CATSPER1: variants seen among roughly 807,000 people sequenced by gnomAD.
CATSPER1 encodes the protein cation channel sperm-associated protein 1.
A neutral mutation model predicts 72.7 loss-of-function variants in CATSPER1; 57 were observed. That is an observed-to-expected ratio of 0.78 (90% CI 0.63 to 0.98). CATSPER1 has a LOEUF of 0.98. CATSPER1 is among the 50% of genes least tolerant of loss of function. CATSPER1 has a pLI of 0.00. For synonymous variants in CATSPER1, 363 were observed against 403.0 expected (o/e 0.90, Z 1.19); for missense variants, 910 against 1,033.9 (o/e 0.88, Z 1.64).
chr11:66,022,095 A>T (rs1856385964), intron 2 of CATSPER1, among the ~76,000 whole-genome samples: 1 of 152,102 alleles, frequency 6.6e-6, no homozygotes, highest in Non-Finnish European at 1.5e-5. Context: ...ATCCCAGCAC[A>T]TTGGGAGGTT....
chr11:66,025,810 G>A lies in CATSPER1; in HGVS notation c.570C>T (p.Ser190=). 6.2e-7 allele frequency: 1 copy of A among 1,612,396 alleles called. No individual in the cohort carries two copies. The change falls in exon 1 of 12, where the codon TCC becomes TCT. Residue 190 remains serine (S), a synonymous_variant. Transcript: ENST00000312106. The part of the protein sequence containing the change: ...LPHGPNPYSE[S]FHHSEASHLS... ...GGTGGGAAGCCTCGCTGTGGTGGAA[G>A]GACTCACTGTAGGGATTGGGTCCAT...
At chr11:66,017,632 A>G (rs1856265264) in intron 10 of CATSPER1, among the ~76,000 whole-genome samples, 1 of 124,246 alleles carries the variant, frequency 8.0e-6, no homozygotes, top group Non-Finnish European at 1.6e-5. Context: ...CCCTCCACCC[A>G]CTCATCTGCC....
Position 66,025,286 on chromosome 11 carries a change from C to G in CATSPER1, c.1094G>C (p.Arg365Pro). The change falls in exon 1 of 12, where the codon CGG (arginine) becomes CCG (proline). Residue 365 changes from arginine to proline, a missense_variant. Coordinates refer to ENST00000312106, the MANE Select transcript of CATSPER1 (RefSeq NM_053054.4). ...HPRGSAHSMT[R>P]SSSTIRSRVT... is the part of the protein sequence containing the mutation. ...ACGTGAGCGGATTGTGCTGGAGGAC[C>G]GAGTCATGCTGTGAGCCGAGCCCCG... 6.2e-7 allele frequency: 1 copy of G among 1,614,074 alleles called. No individual in the cohort carries two copies. Among genetic ancestry groups the G allele is most frequent in the South Asian group, 1.1e-5 (1 of 91,072 alleles).
intron 2 of CATSPER1, 136 bp downstream of exon 2, chr11:66,022,713 T>G: frequency 1.2e-6 from 1 of 808,106 alleles, no homozygotes; most frequent in African/African-American, 1.7e-5. Context: ...TAATACTGGG[T>G]AAGGCCATCT....
At chr11:66,018,707 G>A in intron 10 of CATSPER1, 120 bp downstream of exon 10, 1 of 1,104,264 alleles carries the variant, frequency 9.1e-7, no homozygotes, top group Admixed American at 1.8e-5. Flanking sequence ...TCATCCACAA[G>A]CCTCAGCGCT....
In CATSPER1 at chr11:66,020,975, T is replaced by G. The variant is rs766926853; in HGVS notation, c.1784-21A>C. ...GAGGACTGGCTGTTCAGGGCCAAAC[T>G]CAGCTCTCCAGTGCTATCCCCACCC... On this transcript the variant is annotated intron_variant, in intron 5 of 11. Transcript: ENST00000312106. The surrounding 1 kb of genome is among the most constrained non-coding windows in gnomAD (Gnocchi z 4.5). 9.3e-6 allele frequency: 15 copies of G among 1,613,584 alleles called. No homozygotes were observed. The South Asian group carries it at 1.5e-4, about 17-fold the overall frequency.
intron 2 of CATSPER1, 77 bp from the exon 3 acceptor site, chr11:66,021,956 C>G: frequency 8.9e-7 from 1 of 1,123,534 alleles, no homozygotes. Context: ...TAGCCTCACA[C>G]AAGCCCAGAT....
rs1419103093 is a variant in CATSPER1, at chr11:66,025,411, G to A, written c.969C>T (p.Ser323=). The A allele has an allele frequency of 1.2e-6, 2 of 1,613,878 alleles. No homozygotes were observed. The highest frequency in any genetic ancestry group is 2.2e-5 in the East Asian group (1 of 44,868). ...YLHGDYVQST[S]QLSIPHTSRS... ...GGGATGTGTGTGGGATAGAGAGTTG[G>A]GAAGTGCTCTGGACGTAGTCGCCAT... Residue 323 remains serine, a synonymous_variant, in exon 1 of 12, where the codon TCC becomes TCT. Coordinates refer to ENST00000312106, the MANE Select transcript of CATSPER1 (RefSeq NM_053054.4).
At chr11:66,022,141 A>G (rs1590684063) in intron 2 of CATSPER1, among the ~76,000 whole-genome samples, 1 of 152,102 alleles carries the variant, frequency 6.6e-6, no homozygotes, top group Non-Finnish European at 1.5e-5. Context: ...GGAGTTCGAG[A>G]CCAGCCTGGC....
In CATSPER1 at chr11:66,024,401, C is replaced by T. The variant is rs538367815; in HGVS notation, c.1216+763G>A. Among the ~76,000 whole-genome samples the T allele has an allele frequency of 1.0e-3, 158 of 151,804 alleles. 1 individual carries two copies. The highest frequency in any genetic ancestry group is 3.6e-3 in the African/African-American group (147 of 41,342). On this transcript the variant is annotated intron_variant, in intron 1 of 11. Transcript: ENST00000312106. ...CAAGCGATTCTCCTGCCTCAGCCTCCCAAGTAGCTGGGATTACAGGGGTGC... is the reference window on the plus strand; with the variant it reads ...CAAGCGATTCTCCTGCCTCAGCCTCTCAAGTAGCTGGGATTACAGGGGTGC...
chr11:66,020,953 G>C lies in CATSPER1; in HGVS notation c.1785C>G (p.Phe595Leu), dbSNP rs772839187. ...AILILMFTCL[F>L]LFSAVLRALF... Reference sequence around the variant, plus strand: ...GTGCCCGGAGGACCGCGGAGAAGAGGACTGGCTGTTCAGGGCCAAACTCAG... The same window carrying C: ...GTGCCCGGAGGACCGCGGAGAAGAGCACTGGCTGTTCAGGGCCAAACTCAG... The change falls in exon 6 of 12, where the codon TTC (phenylalanine) becomes TTG (leucine). Residue 595 changes from phenylalanine to leucine, a missense_variant and splice_region_variant. Coordinates refer to ENST00000312106, the MANE Select transcript of CATSPER1 (RefSeq NM_053054.4). This position sits in a 1 kb window ranked among gnomAD's most constrained non-coding sequence, Gnocchi z 4.5. 1.2e-6 allele frequency: 2 copies of C among 1,613,902 alleles called. No individual in the cohort carries two copies. The highest frequency in any genetic ancestry group is 4.5e-5 in the East Asian group (2 of 44,888).
intron 1 of CATSPER1, among the ~76,000 whole-genome samples, chr11:66,023,461 A>C (rs1432131628): frequency 6.6e-6 from 1 of 152,112 alleles, no homozygotes; most frequent in African/African-American, 2.4e-5. Context: ...GCCTCACACA[A>C]GCCCGGATTC....
At chr11:66,017,524 A>C in intron 10 of CATSPER1, among the ~76,000 whole-genome samples, 3 of 148,224 alleles carry the variant, frequency 2.0e-5, no homozygotes, top group African/African-American at 2.5e-5. Context: ...AGCCACTCAC[A>C]ACTCACCTCC....
At chr11:66,025,061 G>T in intron 1 of CATSPER1, 103 bp downstream of exon 1, 1 of 1,424,558 alleles carries the variant, frequency 7.0e-7, no homozygotes. Context: ...GTGCAGGAGG[G>T]TCGGGCCTTA....
In CATSPER1 at chr11:66,020,856, T is replaced by C. The variant is rs775260777; in HGVS notation, c.1882A>G (p.Thr628Ala). ...TAGATGAGGGACCAGTCATCCAGCG[T>C]GAGCAAGGTGAAGAGGGTGAAGATG... ...TTIFTLFTLLTLDDWSLIYMD... is the reference protein window; with the variant it reads ...TTIFTLFTLLALDDWSLIYMD... The change falls in exon 6 of 12, where the codon ACG (threonine) becomes GCG (alanine). Residue 628 changes from threonine (T) to alanine (A), a missense_variant. Physicochemically the swap from Thr to Ala is moderately conservative, Grantham distance 58. Transcript: ENST00000312106. This position sits in a 1 kb window ranked among gnomAD's most constrained non-coding sequence, Gnocchi z 4.5. 6.2e-7 allele frequency: 1 copy of C among 1,613,838 alleles called. No homozygotes were observed. Among genetic ancestry groups the C allele is most frequent in the Non-Finnish European group, 8.5e-7 (1 of 1,180,004 alleles).
Position 66,025,777 on chromosome 11 carries a change from C to A in CATSPER1, c.603G>T (p.Gly201=), listed in dbSNP as rs781513745. 1.2e-6 allele frequency: 2 copies of A among 1,613,282 alleles called. No individual in the cohort carries two copies. The highest frequency in any genetic ancestry group is 1.1e-5 in the South Asian group (1 of 91,032). Residue 201 remains glycine, a synonymous_variant, in exon 1 of 12, where the codon GGG becomes GGT. Coordinates refer to ENST00000312106, the MANE Select transcript of CATSPER1 (RefSeq NM_053054.4). The part of the protein sequence containing the change: ...FHHSEASHLS[G]LQHDESQHHQ... ...GATGCTGGGACTCATCGTGTTGGAG[C>A]CCGCTAAGGTGGGAAGCCTCGCTGT...
rs897162550 is a variant in CATSPER1 at position 66,016,752 on chromosome 11, T to C, written c.*138A>G. ...TAGTCAGTGAGGACATGGAGCCTCC[T>C]GGGGTTTAAAAACTCTGTTGGGGCC... is the stretch of plus-strand genomic sequence containing the variant. On this transcript the variant is annotated 3_prime_UTR_variant, in exon 12 of 12. Coordinates refer to ENST00000312106, the MANE Select transcript of CATSPER1 (RefSeq NM_053054.4). 37 of 851,394 alleles carry C rather than the reference T, an allele frequency of 4.3e-5. No individual in the cohort carries two copies. The highest frequency in any genetic ancestry group is 6.5e-5 in the Non-Finnish European group (35 of 540,052). 52.7% of individuals were successfully genotyped at this position (851,394 alleles called of 1,614,324 possible).
chr11:66,019,271 A>G (rs973697109), intron 9 of CATSPER1, among the ~76,000 whole-genome samples: 6 of 150,784 alleles, frequency 4.0e-5, no homozygotes, highest in African/African-American at 1.5e-4. Context: ...GGCCAATTAG[A>G]ACTTTTTTTT....
intron 2 of CATSPER1, among the ~76,000 whole-genome samples, chr11:66,022,614 A>G (rs2134994144): frequency 6.6e-6 from 1 of 152,324 alleles, no homozygotes; most frequent in East Asian, 1.9e-4. Context: ...TGCGCTCCCT[A>G]GTGGCTGCGG....
Sources: gnomAD v4.1 joint callset for allele counts (sites outside exome capture counted in the v4.1 genomes callset) on GRCh38, gnomAD v4.1.1 for gene constraint, Gnocchi (gnomAD v3.1) non-coding constraint, MANE v1.5 for transcripts, NCBI Gene and HGNC (gene_info 2026-07-23, HGNC 2026-07-21) for gene names.